MAT1A: variants seen among roughly 807,000 people sequenced by gnomAD.
MAT1A encodes methionine adenosyltransferase 1A, also known as S-adenosylmethionine synthase isoform type-1.
A neutral mutation model predicts 44.0 loss-of-function variants in MAT1A; 19 were observed. The observed-to-expected ratio is 0.43, with a 90% CI of 0.30 to 0.63. MAT1A has a LOEUF of 0.63. Among genes scored for constraint, MAT1A ranks in the 30% least tolerant of loss-of-function variants. The pLI is 0.12. For missense variants in MAT1A, 397 were observed against 531.0 expected, an observed-to-expected ratio of 0.75 and a Z score of 2.48; for synonymous variants, 205 against 205.6, an observed-to-expected ratio of 1.00 and a Z score of 0.03.
At chr10:80,287,643 A>AG (rs1229863534) in intron 1 of MAT1A, among the ~76,000 whole-genome samples, 1 of 152,184 alleles carries the variant, frequency 6.6e-6, no homozygotes, top group Non-Finnish European at 1.5e-5. Context: ...CAAAAAACCC[A>AG]CTTCCTCCGG....
intron 2 of MAT1A, 138 bp from the exon 3 acceptor site, chr10:80,284,176 G>C (rs72813496): frequency 4.2e-5 from 47 of 1,129,390 alleles, no homozygotes; most frequent in Non-Finnish European, 5.8e-5. Context: ...AAGGAAAATA[G>C]AAACGCCAAT....
intron 2 of MAT1A, among the ~76,000 whole-genome samples, chr10:80,285,100 A>C (rs1017393859): frequency 2.2e-4 from 34 of 152,316 alleles, no homozygotes; most frequent in African/African-American, 7.7e-4. Flanking sequence ...GCAGCCAACA[A>C]AGGCTCCTAC....
rs71481596 is a variant in MAT1A, at chr10:80,280,406, C to T, written c.406-90G>A. 0.078 allele frequency: 118,303 copies of T among 1,522,744 alleles called. 5,171 individuals are homozygous for T. The highest frequency in any genetic ancestry group is 0.094 in the Middle Eastern group (506 of 5,370). The allele number at this position is 1,522,744 out of a possible 1,614,324, so 94.3% of individuals were successfully genotyped here. ...GCCTGAAATCTCCCTGGTGTGTCCACGTTGATTGGGTGCCTCCTCCATGGA... is the reference window on the plus strand; with the variant it reads ...GCCTGAAATCTCCCTGGTGTGTCCATGTTGATTGGGTGCCTCCTCCATGGA... On this transcript the variant is annotated intron_variant, in intron 4 of 8. Transcript: ENST00000372213.
rs118204006 is a variant in MAT1A at position 80,274,599 on chromosome 10, C to T, written c.1006G>A (p.Gly336Arg). 6.8e-6 allele frequency: 11 copies of T among 1,614,190 alleles called. No homozygotes were observed. Among genetic ancestry groups the T allele is most frequent in the Middle Eastern group, 1.6e-4 (1 of 6,062 alleles). Residue 336 changes from glycine to arginine, a missense_variant, in exon 8 of 9, where the codon GGA (glycine) becomes AGA (arginine). Coordinates refer to ENST00000372213, the MANE Select transcript of MAT1A (RefSeq NM_000429.3). ...EPLSISIFTY[G>R]TSQKTERELL... Reference sequence around the variant, plus strand: ...TCTCGCTCTGTCTTCTGAGAGGTTCCGTAGGTGAAGATGGAAATGGACAGC... The same window carrying T: ...TCTCGCTCTGTCTTCTGAGAGGTTCTGTAGGTGAAGATGGAAATGGACAGC...
intron 5 of MAT1A, among the ~76,000 whole-genome samples, chr10:80,277,686 G>T (rs1841509696): frequency 6.6e-6 from 1 of 152,196 alleles, no homozygotes; most frequent in Non-Finnish European, 1.5e-5. Flanking sequence ...CACAGCTGGG[G>T]AGGGTGCTCA....
chr10:80,285,379 G>T, intron 2 of MAT1A, 133 bp downstream of exon 2: 1 of 749,992 alleles, frequency 1.3e-6, no homozygotes, highest in East Asian at 2.5e-5. Context: ...TCTCATAATT[G>T]AGAAATCTAC....
intron 6 of MAT1A, 145 bp downstream of exon 6, chr10:80,276,231 C>A: frequency 1.2e-6 from 1 of 817,380 alleles, no homozygotes; most frequent in Non-Finnish European, 2.0e-6. Flanking sequence ...TGTACAGAGG[C>A]CAAAATTCAC....
rs1409304209 is a variant in MAT1A, at chr10:80,276,373, C to T, written c.768+3G>A. On this transcript the variant is annotated splice_donor_region_variant and intron_variant, in intron 6 of 8. Transcript: ENST00000372213. ...AGGGCTTCGTTCAGAGACAAGAATGCACCTGGGGACCTCCGATGACAAACC... is the reference window on the plus strand; with the variant it reads ...AGGGCTTCGTTCAGAGACAAGAATGTACCTGGGGACCTCCGATGACAAACC... 1.2e-6 allele frequency: 2 copies of T among 1,613,840 alleles called. No homozygotes were observed. The highest frequency in any genetic ancestry group is 2.7e-5 in the African/African-American group (2 of 74,936).
chr10:80,273,136 G>A lies in MAT1A; in HGVS notation c.*645C>T, dbSNP rs1198156504. ...CACGTGGCTGTGGGACCCTGTGGAAGTTATCCAGACTCTCTGTGCTTTGCT... is the reference window on the plus strand; with the variant it reads ...CACGTGGCTGTGGGACCCTGTGGAAATTATCCAGACTCTCTGTGCTTTGCT... On this transcript the variant is annotated 3_prime_UTR_variant, in exon 9 of 9. Coordinates refer to ENST00000372213, the MANE Select transcript of MAT1A (RefSeq NM_000429.3). The A allele has an allele frequency of 6.5e-6, 1 of 153,656 alleles. No homozygotes were observed. The highest frequency in any genetic ancestry group is 1.4e-5 in the Non-Finnish European group (1 of 69,104). 9.5% of individuals were successfully genotyped at this position (153,656 alleles called of 1,614,324 possible).
chr10:80,274,581 C>T lies in MAT1A; in HGVS notation c.1024G>A (p.Glu342Lys). Residue 342 changes from glutamate to lysine, a missense_variant, in exon 8 of 9, where the codon GAG becomes AAG. By Grantham distance (56) the Glu-to-Lys change is moderately conservative. Coordinates refer to ENST00000372213, the MANE Select transcript of MAT1A (RefSeq NM_000429.3). ...TGCACCACATCCAGCAGCTCTCGCT[C>T]TGTCTTCTGAGAGGTTCCGTAGGTG... ...IFTYGTSQKTERELLDVVHKN... is the reference protein window; with the variant it reads ...IFTYGTSQKTKRELLDVVHKN... 6.2e-7 allele frequency: 1 copy of T among 1,614,232 alleles called. No individual in the cohort carries two copies.
chr10:80,282,710 A>G (rs1484661939), intron 3 of MAT1A, among the ~76,000 whole-genome samples: 1 of 152,172 alleles, frequency 6.6e-6, no homozygotes, highest in African/African-American at 2.4e-5. Context: ...CATGCACTCA[A>G]CCAATATTAA....
chr10:80,279,559 G>T (rs1841532507), intron 5 of MAT1A, among the ~76,000 whole-genome samples: 1 of 152,116 alleles, frequency 6.6e-6, no homozygotes, highest in Non-Finnish European at 1.5e-5. Context: ...GGGGTGAGGT[G>T]CCAGGAGGCC....
chr10:80,287,997 G>A (rs557193712), intron 1 of MAT1A, among the ~76,000 whole-genome samples: 29 of 152,150 alleles, frequency 1.9e-4, no homozygotes, highest in Non-Finnish European at 3.1e-4. Context: ...TGTGATAACT[G>A]CAAATGTCTC....
intron 1 of MAT1A, among the ~76,000 whole-genome samples, chr10:80,286,259 G>A (rs1340678418): frequency 2.0e-5 from 3 of 152,028 alleles, no homozygotes; most frequent in African/African-American, 7.2e-5. Context: ...TCCTGAAAAT[G>A]AACTTAAAAA....
Position 80,273,316 on chromosome 10 carries a change from G to T in MAT1A, c.*465C>A. ...CCCCTGCCACATGCCTGGCCTGGGT[G>T]GGGCTTTCTGGAGACCCTGGCTCAG... On this transcript the variant is annotated 3_prime_UTR_variant, in exon 9 of 9. Transcript: ENST00000372213. The T allele has an allele frequency of 4.0e-6, 1 of 251,204 alleles. No homozygotes were observed. The highest frequency in any genetic ancestry group is 9.9e-5 in the East Asian group (1 of 10,068). The allele number at this position is 251,204 out of a possible 1,614,324, so 15.6% of individuals were successfully genotyped here.
chr10:80,286,031 G>A (rs1472277238), intron 1 of MAT1A, among the ~76,000 whole-genome samples: 1 of 152,036 alleles, frequency 6.6e-6, no homozygotes, highest in Non-Finnish European at 1.5e-5. Context: ...GTTTCACCAT[G>A]TTGGCCAGGC....
rs1004821790 is a variant in MAT1A at position 80,273,580 on chromosome 10, C to T, written c.*201G>A. 3 of 603,792 alleles carry T rather than the reference C, an allele frequency of 5.0e-6. No homozygotes were observed. Among genetic ancestry groups the T allele is most frequent in the Non-Finnish European group, 8.9e-6 (3 of 336,800 alleles). 37.4% of individuals were successfully genotyped at this position (603,792 alleles called of 1,614,324 possible). On this transcript the variant is annotated 3_prime_UTR_variant, in exon 9 of 9. Coordinates refer to ENST00000372213, the MANE Select transcript of MAT1A (RefSeq NM_000429.3). ...CAGGAGAACACCATGCCCATCCTTA[C>T]ATCAAGATCCAACCTCCAGCACCAG...
intron 8 of MAT1A, 35 bp from the exon 9 acceptor site, chr10:80,273,918 A>G: frequency 7.0e-7 from 1 of 1,420,144 alleles, no homozygotes; most frequent in Non-Finnish European, 1.0e-6. Flanking sequence ...GCATTGGAAG[A>G]TGGAACAGGA....
chr10:80,279,551 G>A (rs1841532260), intron 5 of MAT1A, among the ~76,000 whole-genome samples: 2 of 152,044 alleles, frequency 1.3e-5, no homozygotes, highest in African/African-American at 4.8e-5. Flanking sequence ...GGGATACAGG[G>A]GTGAGGTGCC....
Sources: allele counts gnomAD v4.1 joint callset (sites outside exome capture counted in the v4.1 genomes callset), GRCh38; gene constraint gnomAD v4.1.1; transcripts MANE v1.5; gene names NCBI Gene and HGNC (gene_info 2026-07-23, HGNC 2026-07-21).